LIG3: variants seen among roughly 807,000 people sequenced by gnomAD.
LIG3 encodes the protein DNA ligase 3.
LIG3 carries 58 observed loss-of-function variants against 110.9 expected under a neutral mutation model. That is an observed-to-expected ratio of 0.52 (90% CI 0.42 to 0.65). LIG3 has a LOEUF of 0.65. Ranked by LOEUF, LIG3 falls within the 30% of genes least tolerant of loss-of-function variation. The pLI, the probability that LIG3 is intolerant of heterozygous loss-of-function variation, is 0.00. For synonymous variants in LIG3, 422 were observed against 472.8 expected, an observed-to-expected ratio of 0.89 and a Z score of 1.39; for missense variants, 1,094 against 1,273.8, an observed-to-expected ratio of 0.86 and a Z score of 2.15.
Position 34,983,104 on chromosome 17 carries a change from A to G in LIG3, c.99A>G (p.Arg33=). The G allele has an allele frequency of 6.2e-7, 1 of 1,614,124 alleles. No homozygotes were observed. The highest frequency in any genetic ancestry group is 8.5e-7 in the Non-Finnish European group (1 of 1,180,000). ...LFRKHHWRDV[R]QFSQWSETDL... ...GAAAACATCACTGGCGTGATGTAAG[A>G]CAATTCAGCCAGTGGTCAGAAACAG... The change falls in exon 2 of 20, where the codon AGA becomes AGG. Residue 33 remains arginine, a synonymous_variant. Coordinates refer to ENST00000378526, the MANE Select transcript of LIG3 (RefSeq NM_013975.4).
intron 17 of LIG3, 37 bp from the exon 18 acceptor site, chr17:35,001,872 C>T (rs770257566): frequency 3.8e-6 from 6 of 1,578,504 alleles, no homozygotes; most frequent in African/African-American, 2.7e-5. Flanking sequence ...ACTGGGAAGG[C>T]AATGAAACCC....
At chr17:35,003,335 G>A in intron 19 of LIG3, 1 of 457,658 alleles carries the variant, frequency 2.2e-6, no homozygotes, top group East Asian at 4.7e-5. Flanking sequence ...GTCTCGCTCT[G>A]TTGCCTAGGC....
rs1337993491 is a variant in LIG3 at position 34,983,101 on chromosome 17, AAGACAATTCAGCC to A, written c.99_111del (p.Arg33SerfsTer15). ...TCCGAAAACATCACTGGCGTGATGTAAGACAATTCAGCCAGTGGTCAGAAACAGATCTGCTTCA... is the reference window on the plus strand; with the variant it reads ...TCCGAAAACATCACTGGCGTGATGTAAGTGGTCAGAAACAGATCTGCTTCA... On this transcript the variant is annotated frameshift_variant, in exon 2 of 20. Coordinates refer to ENST00000378526, the MANE Select transcript of LIG3 (RefSeq NM_013975.4). LOFTEE classifies it high-confidence loss of function. 1.2e-6 allele frequency: 2 copies of A among 1,613,940 alleles called. No individual in the cohort carries two copies. The highest frequency in any genetic ancestry group is 1.7e-6 in the Non-Finnish European group (2 of 1,180,000).
intron 19 of LIG3, chr17:35,003,234 C>T: frequency 7.4e-7 from 1 of 1,347,250 alleles, no homozygotes; most frequent in South Asian, 1.5e-5. Flanking sequence ...TGACTCTCCT[C>T]CCACCTGAGG....
rs745954164 is a variant in LIG3 at position 34,983,350 on chromosome 17, C to T, written c.345C>T (p.Gly115=). 17 of 1,614,064 alleles carry T rather than the reference C, an allele frequency of 1.1e-5. No individual in the cohort carries two copies. Among genetic ancestry groups the T allele is most frequent in the East Asian group, 8.9e-5 (4 of 44,898 alleles). Residue 115 remains glycine, a synonymous_variant, in exon 2 of 20, where the codon GGC becomes GGT. Coordinates refer to ENST00000378526, the MANE Select transcript of LIG3 (RefSeq NM_013975.4). ...AATGCAAGGAAAAGATTGTGAAGGG[C>T]GTATGCCGAATTGGCAAAGTGGTGC... ...CKKCKEKIVK[G]VCRIGKVVPN...
chr17:34,988,074 TC>T (rs1226058732), intron 3 of LIG3, among the ~76,000 whole-genome samples: 4 of 150,134 alleles, frequency 2.7e-5, no homozygotes, highest in Non-Finnish European at 4.4e-5. Flanking sequence ...GCACCTGTAG[TC>T]CCAGCTACTC....
At chr17:35,003,209 A>T (rs370217248) in intron 19 of LIG3, 1 of 1,475,486 alleles carries the variant, frequency 6.8e-7, no homozygotes, top group Non-Finnish European at 9.1e-7. Flanking sequence ...AGTCGGGGAG[A>T]GGGCACTGGC....
intron 9 of LIG3, among the ~76,000 whole-genome samples, chr17:34,994,796 A>T (rs1165666444): frequency 6.6e-6 from 1 of 152,182 alleles, no homozygotes; most frequent in Non-Finnish European, 1.5e-5. Context: ...ACCAGGGGCT[A>T]TTGGGCTGTC....
intron 18 of LIG3, 78 bp downstream of exon 18, chr17:35,002,182 A>C: frequency 8.1e-7 from 1 of 1,240,930 alleles, no homozygotes. Context: ...ACCCAGTCTC[A>C]CATTCCAGCC....
At chr17:34,999,962 A>AG in intron 16 of LIG3, 106 bp downstream of exon 16, 1 of 857,710 alleles carries the variant, frequency 1.2e-6, no homozygotes, top group Non-Finnish European at 1.9e-6. Context: ...ACCCAGGGAT[A>AG]GGGGTCTGGA....
chr17:35,009,859 C>T (rs919109651), downstream of LIG3: 2 of 152,646 alleles, frequency 1.3e-5, no homozygotes, highest in African/African-American at 2.4e-5. Flanking sequence ...ATTGCACATA[C>T]ATAGACCTGT....
chr17:35,000,632 T>C (rs1348328545), intron 16 of LIG3, among the ~76,000 whole-genome samples: 67 of 144,398 alleles, frequency 4.6e-4, no homozygotes, highest in African/African-American at 1.6e-3. Flanking sequence ...TTTTTTTTTT[T>C]TGAGACAGGG....
chr17:34,998,549 C>G, intron 13 of LIG3, 55 bp from the exon 14 acceptor site: 1 of 1,600,920 alleles, frequency 6.2e-7, no homozygotes, highest in Non-Finnish European at 8.5e-7. Flanking sequence ...AGGGGTGAAC[C>G]CATCCTCATG....
Position 35,008,148 on chromosome 17 carries a change from C to T in LIG3, c.*3642C>T, listed in dbSNP as rs2090908791. 6.6e-6 allele frequency: 1 copy of T among 152,250 alleles called. No individual in the cohort carries two copies. Among genetic ancestry groups the T allele is most frequent in the South Asian group, 2.1e-4 (1 of 4,828 alleles). The allele number at this position is 152,250 out of a possible 1,614,324, so 9.4% of individuals were successfully genotyped here. On this transcript the variant is annotated 3_prime_UTR_variant, in exon 20 of 20. Transcript: ENST00000378526. ...AGACCTAACTGGGCATACTAACTGTCCTCAGATTTCAGTTCTTTAAGGCCC... is the reference window on the plus strand; with the variant it reads ...AGACCTAACTGGGCATACTAACTGTTCTCAGATTTCAGTTCTTTAAGGCCC...
intron 1 of LIG3, 33 bp from the exon 2 acceptor site, chr17:34,982,963 CTTTTTT>C (rs3084117): frequency 1.4e-5 from 18 of 1,242,848 alleles, no homozygotes; most frequent in Admixed American, 3.0e-5. Flanking sequence ...TTGTTTATAT[CTTTTTT>C]TTTTTTTTTT....
intron 8 of LIG3, 86 bp from the exon 9 acceptor site, chr17:34,994,190 C>T (rs950575237): frequency 2.2e-6 from 3 of 1,346,702 alleles, no homozygotes; most frequent in African/African-American, 2.9e-5. Context: ...TAACTACCCT[C>T]ACTAACCCAG....
chr17:34,994,530 A>G (rs941792716), intron 9 of LIG3, 99 bp downstream of exon 9: 1 of 1,219,616 alleles, frequency 8.2e-7, no homozygotes, highest in East Asian at 2.5e-5. Flanking sequence ...GTGGTACACA[A>G]TAAGGGTTTG....
intron 15 of LIG3, 133 bp from the exon 16 acceptor site, chr17:34,999,649 T>G (rs1197078928): frequency 1.9e-6 from 2 of 1,075,726 alleles, no homozygotes; most frequent in Non-Finnish European, 2.8e-6. Context: ...TCATACCCAC[T>G]CTGGGCTGGG....
chr17:34,980,932 G>C (rs935450000), intron 1 of LIG3: 1 of 152,304 alleles, frequency 6.6e-6, no homozygotes, highest in African/African-American at 2.4e-5. Flanking sequence ...GCGCTGAACC[G>C]GGAGCGCTCG....
Sources: gnomAD v4.1 joint callset for allele counts (sites outside exome capture counted in the v4.1 genomes callset) on GRCh38, gnomAD v4.1.1 for gene constraint, MANE v1.5 for transcripts, NCBI Gene and HGNC (gene_info 2026-07-23, HGNC 2026-07-21) for gene names.